The following KIAA1217 variants were observed in gnomAD, a reference collection of about 807,000 sequenced individuals.
KIAA1217 encodes KIAA1217, also known as sickle tail protein homolog.
KIAA1217 carries 88 observed loss-of-function variants against 163.9 expected under a neutral mutation model. The ratio of observed to expected loss-of-function variants is 0.54; its 90% CI spans 0.45 to 0.64. KIAA1217 has a LOEUF of 0.64. Among genes scored for constraint, KIAA1217 ranks in the 30% least tolerant of loss-of-function variants. The pLI, the probability that KIAA1217 is intolerant of heterozygous loss-of-function variation, is 0.00. For missense variants in KIAA1217, 2,372 were observed against 2,475.0 expected, an observed-to-expected ratio of 0.96 and a Z score of 0.88; for synonymous variants, 903 against 923.1, an observed-to-expected ratio of 0.98 and a Z score of 0.39.
chr10:24,090,281 C>A (rs1233569154), intron 2 of KIAA1217, among the ~76,000 whole-genome samples: 1 of 144,936 alleles, frequency 6.9e-6, no homozygotes, highest in South Asian at 2.2e-4. Flanking sequence ...ATCCTTCCTC[C>A]TTAGCCTCCT....
intron 2 of KIAA1217, among the ~76,000 whole-genome samples, chr10:24,374,251 G>A (rs897778809): frequency 2.6e-5 from 4 of 152,140 alleles, no homozygotes; most frequent in South Asian, 2.1e-4. Context: ...GATATGCACC[G>A]TTGGAAGTTG....
chr10:24,321,702 A>G (rs1292976225), intron 2 of KIAA1217, among the ~76,000 whole-genome samples: 1 of 152,186 alleles, frequency 6.6e-6, no homozygotes, highest in Non-Finnish European at 1.5e-5. Context: ...ACTTGTATGA[A>G]GTACTTAGGG....
At chr10:23,749,752 G>A (rs1379732922) in intron 1 of KIAA1217, among the ~76,000 whole-genome samples, 2 of 152,082 alleles carry the variant, frequency 1.3e-5, no homozygotes, top group Non-Finnish European at 2.9e-5. Flanking sequence ...TGTGATTTCT[G>A]TCTTTCCTTG....
intron 1 of KIAA1217, among the ~76,000 whole-genome samples, chr10:23,880,951 C>T (rs904092540): frequency 6.6e-6 from 1 of 151,860 alleles, no homozygotes; most frequent in Non-Finnish European, 1.5e-5. Context: ...GAGTTCTCAA[C>T]AGGTGAATAC....
rs779228318 is a variant in KIAA1217, at chr10:24,010,242, G to C, written c.-171+2868G>C. Among the ~76,000 whole-genome samples the C allele has an allele frequency of 3.3e-5, 5 of 151,442 alleles. No homozygotes were observed. In the South Asian group the frequency reaches 1.0e-3, roughly 31 times the overall value. On this transcript the variant is annotated intron_variant, in intron 2 of 18. Coordinates refer to the KIAA1217 transcript ENST00000376462. ...AAAGTCAATGATTACAGTCAATAAAGTCTCAATGGCTCTGTATCCCTGAGA... is the reference window on the plus strand; with the variant it reads ...AAAGTCAATGATTACAGTCAATAAACTCTCAATGGCTCTGTATCCCTGAGA...
chr10:24,361,656 T>C (rs983573021), intron 2 of KIAA1217, among the ~76,000 whole-genome samples: 5 of 152,192 alleles, frequency 3.3e-5, no homozygotes, highest in African/African-American at 9.7e-5. Context: ...TAACTGTAGA[T>C]TATTTTCTTG....
chr10:23,830,630 G>A (rs1022434796), intron 1 of KIAA1217, among the ~76,000 whole-genome samples: 1 of 152,012 alleles, frequency 6.6e-6, no homozygotes, highest in African/African-American at 2.4e-5. Flanking sequence ...ATGATAGGGA[G>A]ACAGATGATA....
At chr10:24,317,644 G>A (rs1221379911) in intron 2 of KIAA1217, among the ~76,000 whole-genome samples, 3 of 152,160 alleles carry the variant, frequency 2.0e-5, no homozygotes, top group Non-Finnish European at 4.4e-5. Flanking sequence ...ATGTATATTG[G>A]CATGTATGTA....
intron 1 of KIAA1217, among the ~76,000 whole-genome samples, chr10:23,709,502 A>C (rs1467953066): frequency 6.6e-6 from 1 of 151,920 alleles, no homozygotes; most frequent in East Asian, 1.9e-4. Context: ...GCACTTCAGC[A>C]TGAGTGACAA....
chr10:23,700,978 A>G (rs992251923), intron 1 of KIAA1217, among the ~76,000 whole-genome samples: 5 of 152,296 alleles, frequency 3.3e-5, no homozygotes, highest in African/African-American at 1.2e-4. Flanking sequence ...TTCCTGCCAC[A>G]TAGAAGGTAG....
chr10:24,079,434 G>A (rs1284913552), intron 2 of KIAA1217, among the ~76,000 whole-genome samples: 1 of 152,144 alleles, frequency 6.6e-6, no homozygotes, highest in Non-Finnish European at 1.5e-5. Flanking sequence ...CACTGTCTCT[G>A]TATAAGCAGA....
At chr10:23,988,597 C>T (rs767134506) in intron 1 of KIAA1217, among the ~76,000 whole-genome samples, 2 of 152,078 alleles carry the variant, frequency 1.3e-5, no homozygotes, top group Non-Finnish European at 2.9e-5. Context: ...TGCATACAAA[C>T]CATGTGAAGT....
At chr10:23,732,636 A>G (rs1353508739) in intron 1 of KIAA1217, among the ~76,000 whole-genome samples, 1 of 151,954 alleles carries the variant, frequency 6.6e-6, no homozygotes, top group Non-Finnish European at 1.5e-5. Flanking sequence ...CCTGTTTCCA[A>G]TTTCATTGAT....
intron 2 of KIAA1217, among the ~76,000 whole-genome samples, chr10:24,374,120 G>A (rs1199068346): frequency 6.6e-6 from 1 of 152,180 alleles, no homozygotes; most frequent in East Asian, 1.9e-4. Flanking sequence ...TAAACTGAGT[G>A]TATCAAGGAT....
At chr10:23,765,566 G>A (rs1386561918) in intron 1 of KIAA1217, among the ~76,000 whole-genome samples, 1 of 152,080 alleles carries the variant, frequency 6.6e-6, no homozygotes, top group Non-Finnish European at 1.5e-5. Flanking sequence ...ATCTTGAATT[G>A]TAATCCCTAT....
intron 1 of KIAA1217, among the ~76,000 whole-genome samples, chr10:24,001,043 G>A (rs191511710): frequency 8.6e-5 from 13 of 151,504 alleles, no homozygotes; most frequent in South Asian, 2.1e-4. Flanking sequence ...TAAAGATATT[G>A]CAGAATAGGG....
At chr10:24,094,271 T>C (rs1322027837) in intron 2 of KIAA1217, among the ~76,000 whole-genome samples, 1 of 152,128 alleles carries the variant, frequency 6.6e-6, no homozygotes, top group Non-Finnish European at 1.5e-5. Flanking sequence ...CCACCAACAG[T>C]GTAAAAGTGT....
At chr10:23,727,351 A>AG (rs113133648) in intron 1 of KIAA1217, among the ~76,000 whole-genome samples, 33,268 of 151,900 alleles carry the variant, frequency 0.22, 3,886 homozygotes, top group African/African-American at 0.29. Context: ...ACCTAAGGCC[A>AG]GAGTTTGAGA....
chr10:24,314,046 G>T (rs1378897096), intron 2 of KIAA1217, among the ~76,000 whole-genome samples: 1 of 151,926 alleles, frequency 6.6e-6, no homozygotes, highest in African/African-American at 2.4e-5. Context: ...CTCTATGTTG[G>T]TCAGGTTGGT....
Sources: allele counts gnomAD v4.1 joint callset (sites outside exome capture counted in the v4.1 genomes callset), GRCh38; gene constraint gnomAD v4.1.1; transcripts MANE v1.5; gene names NCBI Gene and HGNC (gene_info 2026-07-23, HGNC 2026-07-21).